LMOD1: variants seen among roughly 807,000 people sequenced by gnomAD.
LMOD1 encodes leiomodin-1.
LMOD1 carries 8 observed loss-of-function variants against 36.5 expected under a neutral mutation model. The observed-to-expected ratio is 0.22, with a 90% CI of 0.13 to 0.40. LMOD1 has a LOEUF of 0.40. Ranked by LOEUF, LMOD1 falls within the 10% of genes least tolerant of loss-of-function variation. The pLI, the probability that LMOD1 is intolerant of heterozygous loss-of-function variation, is 1.00. For missense variants in LMOD1, 630 were observed against 751.1 expected (o/e 0.84, Z 1.88); for synonymous variants, 284 against 288.7 (o/e 0.98, Z 0.17).
chr1:201,914,609 T>C (rs748537171), intron 1 of LMOD1, among the ~76,000 whole-genome samples: 3 of 152,106 alleles, frequency 2.0e-5, no homozygotes, highest in Non-Finnish European at 4.4e-5. Flanking sequence ...CCCCTATTCT[T>C]GGCAGACAAT....
At chr1:201,911,463 G>T (rs1681496007) in intron 1 of LMOD1, among the ~76,000 whole-genome samples, 1 of 152,172 alleles carries the variant, frequency 6.6e-6, no homozygotes, top group Non-Finnish European at 1.5e-5. Context: ...TCAGGAGTTT[G>T]AGACCAGCCT....
intron 1 of LMOD1, among the ~76,000 whole-genome samples, chr1:201,939,290 A>T (rs990064081): frequency 6.6e-6 from 1 of 151,988 alleles, no homozygotes; most frequent in Admixed American, 6.6e-5. Flanking sequence ...CTTCACTATA[A>T]CCCTTCAAGG....
At chr1:201,919,881 A>G (rs971272345) in intron 1 of LMOD1, among the ~76,000 whole-genome samples, 1 of 151,776 alleles carries the variant, frequency 6.6e-6, no homozygotes, top group African/African-American at 2.4e-5. Context: ...ATCAGCATCC[A>G]CCTGCATCAC....
intron 1 of LMOD1, among the ~76,000 whole-genome samples, chr1:201,919,309 A>G (rs1177761165): frequency 6.6e-6 from 1 of 151,486 alleles, no homozygotes; most frequent in Non-Finnish European, 1.5e-5. Flanking sequence ...GGTTCAAGCA[A>G]TTTTCCTGCC....
At chr1:201,937,462 A>C (rs567384647) in intron 1 of LMOD1, among the ~76,000 whole-genome samples, 91 of 151,996 alleles carry the variant, frequency 6.0e-4, no homozygotes, top group African/African-American at 2.2e-3. Flanking sequence ...AACAAACAAA[A>C]AAAAACAAAA....
chr1:201,898,202 A>C lies in LMOD1; in HGVS notation c.*170T>G. On this transcript the variant is annotated 3_prime_UTR_variant, in exon 3 of 3. Transcript: ENST00000367288. ...CAGAGACAAGAAAAGGAAAGTGAGA[A>C]GAGATAAGGCATCCTTCCTTGAGCG... The C allele has an allele frequency of 1.5e-6, 1 of 677,570 alleles. No individual in the cohort carries two copies. The highest frequency in any genetic ancestry group is 2.6e-6 in the Non-Finnish European group (1 of 383,886). The allele number at this position is 677,570 out of a possible 1,614,324, so 42.0% of individuals were successfully genotyped here.
Position 201,946,394 on chromosome 1 carries a change from G to A in LMOD1, c.-54C>T. On this transcript the variant is annotated 5_prime_UTR_variant, in exon 1 of 3. Transcript: ENST00000367288. ...GGCTATCAGAGTCCTGGTGGGCAGG[G>A]AAGGGAGAGGGGTGAGCTGATCTGG... The A allele has an allele frequency of 6.3e-7, 1 of 1,583,606 alleles. No homozygotes were observed. Among genetic ancestry groups the A allele is most frequent in the African/African-American group, 1.3e-5 (1 of 74,600 alleles).
chr1:201,901,696 A>T (rs1382040310), intron 1 of LMOD1, among the ~76,000 whole-genome samples: 1 of 135,210 alleles, frequency 7.4e-6, no homozygotes, highest in Admixed American at 7.8e-5. Context: ...ATGTGTATAT[A>T]TATATATATG....
intron 1 of LMOD1, among the ~76,000 whole-genome samples, chr1:201,908,946 C>A (rs575642653): frequency 6.6e-6 from 1 of 152,240 alleles, no homozygotes; most frequent in Admixed American, 6.5e-5. Context: ...CCCAATAAAC[C>A]TGACAAGCAA....
At chr1:201,912,781 C>T (rs1411559041) in intron 1 of LMOD1, among the ~76,000 whole-genome samples, 2 of 152,142 alleles carry the variant, frequency 1.3e-5, no homozygotes, top group Non-Finnish European at 2.9e-5. Context: ...ATCACTTGAA[C>T]CCGGGAGGCA....
chr1:201,905,870 C>A (rs559841390), intron 1 of LMOD1, among the ~76,000 whole-genome samples: 1 of 152,216 alleles, frequency 6.6e-6, no homozygotes, highest in African/African-American at 2.4e-5. Context: ...GGCTGACTAG[C>A]ATTGACTGCA....
intron 1 of LMOD1, among the ~76,000 whole-genome samples, chr1:201,912,015 G>A (rs1681504501): frequency 6.6e-6 from 1 of 152,202 alleles, no homozygotes; most frequent in African/African-American, 2.4e-5. Context: ...GTTTCTGGCA[G>A]AAGCAAACAG....
chr1:201,915,557 G>T (rs987251079), intron 1 of LMOD1, among the ~76,000 whole-genome samples: 7 of 152,078 alleles, frequency 4.6e-5, no homozygotes. Context: ...TCAGAACCCG[G>T]CTGGGAAGAG....
At chr1:201,941,616 C>G (rs933624936) in intron 1 of LMOD1, among the ~76,000 whole-genome samples, 7 of 152,242 alleles carry the variant, frequency 4.6e-5, no homozygotes, top group African/African-American at 1.7e-4. Flanking sequence ...GAGGGTTAGG[C>G]CGCCGGCCTC....
rs577022439 is a variant in LMOD1, at chr1:201,946,548, C to T, written c.-208G>A. 31 of 580,718 alleles carry T rather than the reference C, an allele frequency of 5.3e-5. No individual in the cohort carries two copies. The highest frequency in any genetic ancestry group is 9.1e-5 in the Non-Finnish European group (30 of 330,622). 36.0% of individuals were successfully genotyped at this position (580,718 alleles called of 1,614,324 possible). ...CTCCCTGAAGCCCAGGGCTAGTGGA[C>T]CCCGGCTGGTCTAATCAGCGGCCAA... On this transcript the variant is annotated 5_prime_UTR_variant, in exon 1 of 3. Transcript: ENST00000367288.
chr1:201,927,429 G>A (rs1681844637), intron 1 of LMOD1, among the ~76,000 whole-genome samples: 1 of 152,122 alleles, frequency 6.6e-6, no homozygotes, highest in Admixed American at 6.5e-5. Context: ...AGCCGGGTGT[G>A]GTGGCGTGTG....
At chr1:201,920,948 G>A (rs533326759) in intron 1 of LMOD1, among the ~76,000 whole-genome samples, 2 of 152,294 alleles carry the variant, frequency 1.3e-5, no homozygotes, top group South Asian at 4.1e-4. Flanking sequence ...ACCAGGCTGA[G>A]CAGTGAACAC....
chr1:201,910,744 CTTTTTTTTTTTTTT>C (rs58506647), intron 1 of LMOD1, among the ~76,000 whole-genome samples: 9 of 49,068 alleles, frequency 1.8e-4, no homozygotes, highest in Admixed American at 3.5e-4. Flanking sequence ...TGGTGTCATT[CTTTTTTTTTTTTTT>C]TTTTTTTTTT....
intron 1 of LMOD1, among the ~76,000 whole-genome samples, chr1:201,900,970 C>A (rs1273681069): frequency 2.6e-5 from 4 of 152,138 alleles, no homozygotes; most frequent in African/African-American, 9.7e-5. Context: ...CTCAAGGCCT[C>A]AGGGTTGTGA....
Sources: gnomAD v4.1 joint callset for allele counts (sites outside exome capture counted in the v4.1 genomes callset) on GRCh38, gnomAD v4.1.1 for gene constraint, MANE v1.5 for transcripts, NCBI Gene and HGNC (gene_info 2026-07-23, HGNC 2026-07-21) for gene names.